Variants in TENM3 observed in about 807,000 individuals in gnomAD.
The protein encoded by TENM3 is teneurin transmembrane protein 3.
TENM3 carries 63 observed loss-of-function variants against 255.1 expected under a neutral mutation model. That is an observed-to-expected ratio of 0.25 (90% CI 0.20 to 0.30). The LOEUF is 0.30. Ranked by LOEUF, TENM3 falls within the 10% of genes least tolerant of loss-of-function variation. The pLI is 1.00. For synonymous variants in TENM3, 1,306 were observed against 1,322.3 expected (o/e 0.99, Z 0.27); for missense variants, 2,929 against 3,461.1 (o/e 0.85, Z 3.86).
chr4:182,345,043 G>T (rs1381261067), intron 2 of TENM3, among the ~76,000 whole-genome samples: 1 of 151,764 alleles, frequency 6.6e-6, no homozygotes, highest in African/African-American at 2.4e-5. Context: ...ATACTTTTTG[G>T]TTCAGATACG....
chr4:182,226,829 G>A (rs765188674), intron 1 of TENM3, among the ~76,000 whole-genome samples: 1 of 151,956 alleles, frequency 6.6e-6, no homozygotes, highest in Non-Finnish European at 1.5e-5. Context: ...AAGTCAGTGG[G>A]TCCCTCTCTG....
At position 182,601,044 on chromosome 4, in the gene TENM3, G is replaced by C. The variant is rs773914323; in HGVS notation, c.632G>C (p.Arg211Thr). ...TSLNRNSLTN[R>T]RNQSPAPPAA... ...CTCAACAGAAACTCCCTGACCAATAGAAGGAACCAGAGTCCGGCCCCGCCG... is the reference window on the plus strand; with the variant it reads ...CTCAACAGAAACTCCCTGACCAATACAAGGAACCAGAGTCCGGCCCCGCCG... The change falls in exon 4 of 28, where the codon AGA (arginine) becomes ACA (threonine). Residue 211 changes from arginine to threonine, a missense_variant. Physicochemically the swap from Arg to Thr is moderately conservative, Grantham distance 71. Around this residue, in one of 6 missense-constraint regions of TENM3, gnomAD observed 283 missense variants for 256.9 expected, o/e 1.10. Transcript: ENST00000511685. 3.6e-5 allele frequency: 58 copies of C among 1,613,288 alleles called. No homozygotes were observed. The highest frequency in any genetic ancestry group is 2.7e-5 in the African/African-American group (2 of 74,796).
At chr4:182,543,017 G>A (rs1741040338) in intron 3 of TENM3, among the ~76,000 whole-genome samples, 1 of 152,182 alleles carries the variant, frequency 6.6e-6, no homozygotes, top group South Asian at 2.1e-4. Context: ...TCTAACTTTG[G>A]AAGCTATAGC....
the TENM3 span, among the ~76,000 whole-genome samples, chr4:181,893,835 AC>A: frequency 6.6e-6 from 1 of 152,126 alleles, no homozygotes; most frequent in Non-Finnish European, 1.5e-5. Flanking sequence ...CCGATATTTT[AC>A]CAAAGCCTTT....
At chr4:181,733,590 G>A in the TENM3 span, among the ~76,000 whole-genome samples, 1 of 152,038 alleles carries the variant, frequency 6.6e-6, no homozygotes, top group African/African-American at 2.4e-5. Context: ...TCATCTGGTG[G>A]GCATCACTTG....
chr4:182,201,913 G>C (rs1277136306), intron 1 of TENM3, among the ~76,000 whole-genome samples: 1 of 152,150 alleles, frequency 6.6e-6, no homozygotes, highest in African/African-American at 2.4e-5. Flanking sequence ...AAATAACTAT[G>C]CATTTTCAGG....
intron 19 of TENM3, among the ~76,000 whole-genome samples, chr4:182,748,562 C>G (rs1441969619): frequency 1.1e-4 from 17 of 152,194 alleles, no homozygotes; most frequent in Admixed American, 1.1e-3. Flanking sequence ...GAATCCCAGT[C>G]CTATGGCATA....
chr4:182,423,079 A>G (rs1770958825), intron 3 of TENM3, among the ~76,000 whole-genome samples: 1 of 152,222 alleles, frequency 6.6e-6, no homozygotes, highest in African/African-American at 2.4e-5. Context: ...GCTGTGATCC[A>G]TAAAATTAAT....
chr4:182,243,100 T>C (rs1371895997), upstream of TENM3, among the ~76,000 whole-genome samples: 1 of 152,152 alleles, frequency 6.6e-6, no homozygotes. Context: ...TAAGGGTAAA[T>C]GTCACATAGG....
chr4:182,535,075 T>C (rs1039270380), intron 3 of TENM3, among the ~76,000 whole-genome samples: 5 of 152,210 alleles, frequency 3.3e-5, no homozygotes, highest in African/African-American at 1.2e-4. Context: ...AGTGCAGAGA[T>C]GTAGCCTTTT....
chr4:182,013,783 C>G, the TENM3 span, among the ~76,000 whole-genome samples: 2 of 151,790 alleles, frequency 1.3e-5, no homozygotes, highest in African/African-American at 2.4e-5. Flanking sequence ...AGGACATAAT[C>G]TTTCTCTGTG....
At chr4:182,031,246 G>C in the TENM3 span, among the ~76,000 whole-genome samples, 2 of 152,128 alleles carry the variant, frequency 1.3e-5, no homozygotes, top group East Asian at 3.9e-4. Context: ...TGTAAGGAAG[G>C]GGTCCAGTAT....
At chr4:181,716,232 A>G in the TENM3 span, among the ~76,000 whole-genome samples, 1 of 152,220 alleles carries the variant, frequency 6.6e-6, no homozygotes, top group South Asian at 2.1e-4. Context: ...TAATCACATT[A>G]AAGAAGTAAA....
At chr4:182,113,218 C>T in the TENM3 span, among the ~76,000 whole-genome samples, 1 of 152,140 alleles carries the variant, frequency 6.6e-6, no homozygotes, top group African/African-American at 2.4e-5. Flanking sequence ...AAATCATTTC[C>T]GTTTGTTTTC....
chr4:182,564,902 T>C (rs545305274), intron 3 of TENM3, among the ~76,000 whole-genome samples: 2 of 152,346 alleles, frequency 1.3e-5, no homozygotes, highest in East Asian at 3.9e-4. Context: ...TTTATGTCTG[T>C]TGTTTCTGAA....
chr4:181,532,390 T>C, the TENM3 span, among the ~76,000 whole-genome samples: 1 of 152,018 alleles, frequency 6.6e-6, no homozygotes, highest in Non-Finnish European at 1.5e-5. Flanking sequence ...TAAGGAGGGG[T>C]TGAGAATGAC....
intron 3 of TENM3, among the ~76,000 whole-genome samples, chr4:182,411,768 A>G (rs1333441387): frequency 6.6e-6 from 1 of 152,200 alleles, no homozygotes; most frequent in African/African-American, 2.4e-5. Flanking sequence ...GATAGTGAAT[A>G]CTTCCTGTAA....
chr4:182,255,025 C>T (rs373090806), intron 1 of TENM3, among the ~76,000 whole-genome samples: 4 of 152,152 alleles, frequency 2.6e-5, no homozygotes, highest in South Asian at 2.1e-4. Context: ...ACTCATTTAA[C>T]GAAAGACTGG....
chr4:182,564,504 A>G (rs937487704), intron 3 of TENM3, among the ~76,000 whole-genome samples: 5 of 151,484 alleles, frequency 3.3e-5, no homozygotes, highest in Non-Finnish European at 7.4e-5. Context: ...CACCTCAATT[A>G]TTCTCTTCAC....
Sources: allele counts gnomAD v4.1 joint callset (sites outside exome capture counted in the v4.1 genomes callset), GRCh38; gene constraint gnomAD v4.1.1; regional missense constraint gnomAD v4.1.1; transcripts MANE v1.5; gene names NCBI Gene and HGNC (gene_info 2026-07-23, HGNC 2026-07-21).